SPIDR: variants seen among roughly 807,000 people sequenced by gnomAD.
The protein encoded by SPIDR is scaffold protein involved in DNA repair.
In SPIDR, 93 loss-of-function variants were observed where a neutral mutation model predicts 104.6. The observed-to-expected ratio is 0.89, with a 90% CI of 0.75 to 1.06. The LOEUF (loss-of-function observed/expected upper bound fraction) is 1.06, where lower values mean the gene tolerates loss of function less well. Ranked by LOEUF, SPIDR falls within the 50% of genes least tolerant of loss-of-function variation. SPIDR has a pLI of 0.00. For missense variants in SPIDR, 1,154 were observed against 1,111.2 expected, an observed-to-expected ratio of 1.04 and a Z score of -0.55; for synonymous variants, 431 against 416.9, an observed-to-expected ratio of 1.03 and a Z score of -0.41.
At chr8:47,480,733 C>T (rs556766276) in intron 8 of SPIDR, among the ~76,000 whole-genome samples, 1 of 152,216 alleles carries the variant, frequency 6.6e-6, no homozygotes, top group Non-Finnish European at 1.5e-5. Flanking sequence ...GGAAAAGGCA[C>T]AGCATCTTCT....
At chr8:47,347,542 T>C (rs1427805926) in intron 5 of SPIDR, among the ~76,000 whole-genome samples, 1 of 152,192 alleles carries the variant, frequency 6.6e-6, no homozygotes, top group Non-Finnish European at 1.5e-5. Flanking sequence ...ATATTGACAG[T>C]GGGGTGTTAA....
At chr8:47,283,135 C>A (rs2038147542) in intron 2 of SPIDR, among the ~76,000 whole-genome samples, 1 of 152,188 alleles carries the variant, frequency 6.6e-6, no homozygotes, top group Non-Finnish European at 1.5e-5. Flanking sequence ...GGATTACAGG[C>A]GTGAGCCACT....
chr8:47,397,937 G>A lies in SPIDR; in HGVS notation c.776+1311G>A, dbSNP rs146645212. ...ATCAGCATCCTGGAGAAGAGGTAGG[G>A]AAGGAAGGTGGAGAGGAGAGCCCCA... On this transcript the variant is annotated intron_variant, in intron 6 of 19. Coordinates refer to ENST00000297423, the MANE Select transcript of SPIDR (RefSeq NM_001080394.4). 2.8e-3 allele frequency among the ~76,000 whole-genome samples: 419 copies of A among 152,246 alleles called. 1 individual carries two copies. The highest frequency in any genetic ancestry group is 9.8e-3 in the African/African-American group (409 of 41,544).
At chr8:47,316,477 C>G (rs1029386943) in intron 5 of SPIDR, among the ~76,000 whole-genome samples, 1 of 152,118 alleles carries the variant, frequency 6.6e-6, no homozygotes, top group Non-Finnish European at 1.5e-5. Flanking sequence ...CAGTTGGAGA[C>G]TGGATCAACA....
At chr8:47,294,105 T>TG in intron 5 of SPIDR, 75 bp downstream of exon 5, 1 of 1,430,314 alleles carries the variant, frequency 7.0e-7, no homozygotes, top group Non-Finnish European at 9.3e-7. Flanking sequence ...TTTTTTTTTG[T>TG]TTTTTTTTTC....
At chr8:47,567,780 C>CTTTT (rs35199139) in intron 8 of SPIDR, among the ~76,000 whole-genome samples, 41 of 70,998 alleles carry the variant, frequency 5.8e-4, no homozygotes, top group East Asian at 1.9e-3. Flanking sequence ...TTTTCTTTTT[C>CTTTT]TTTTTTTTTT....
chr8:47,587,224 G>T (rs1421564948), intron 8 of SPIDR, among the ~76,000 whole-genome samples: 2 of 152,050 alleles, frequency 1.3e-5, no homozygotes, highest in Non-Finnish European at 2.9e-5. Context: ...GAGTTAAATG[G>T]TATATAAGTT....
chr8:47,362,641 T>A (rs2056286064), intron 5 of SPIDR, among the ~76,000 whole-genome samples: 1 of 151,944 alleles, frequency 6.6e-6, no homozygotes, highest in Admixed American at 6.5e-5. Flanking sequence ...TATATGGTGT[T>A]TTTTGTTGGT....
chr8:47,624,381 AAGATC>A (rs2065663313), intron 10 of SPIDR, among the ~76,000 whole-genome samples: 1 of 152,228 alleles, frequency 6.6e-6, no homozygotes. Flanking sequence ...AGAAATAACT[AAGATC>A]AGAGCAGAAC....
In SPIDR at chr8:47,599,004, C is replaced by A; in HGVS notation, c.1352C>A (p.Ala451Glu). Residue 451 changes from alanine to glutamate, a missense_variant, in exon 10 of 20, where the codon GCA becomes GAA. Physicochemically the swap from Ala to Glu is moderately radical, Grantham distance 107. Transcript: ENST00000297423. ...GCCTGGACCCATGGGCACAAAGAAG[C>A]AAAACAGCGCATCCCAACCAGCACT... The part of the protein sequence containing the change: ...GTAWTHGHKE[A>E]KQRIPTSTPL... 6.2e-7 allele frequency: 1 copy of A among 1,613,700 alleles called. No homozygotes were observed. The highest frequency in any genetic ancestry group is 8.5e-7 in the Non-Finnish European group (1 of 1,179,788).
chr8:47,534,489 G>A (rs745682841), intron 8 of SPIDR, among the ~76,000 whole-genome samples: 7 of 152,172 alleles, frequency 4.6e-5, no homozygotes, highest in Non-Finnish European at 1.0e-4. Context: ...GAACATGGTT[G>A]GAGCTGGAGC....
intron 8 of SPIDR, among the ~76,000 whole-genome samples, chr8:47,495,508 A>G (rs899006034): frequency 1.3e-5 from 2 of 152,150 alleles, no homozygotes; most frequent in East Asian, 1.9e-4. Flanking sequence ...CATTACCCCG[A>G]ATAGAAACCC....
At chr8:47,354,025 G>A (rs782366906) in intron 5 of SPIDR, among the ~76,000 whole-genome samples, 7 of 151,900 alleles carry the variant, frequency 4.6e-5, no homozygotes, top group Non-Finnish European at 8.8e-5. Flanking sequence ...TCACATTCTT[G>A]TCTATTTACT....
chr8:47,708,438 A>G (rs1169782518), intron 14 of SPIDR, among the ~76,000 whole-genome samples: 2 of 152,078 alleles, frequency 1.3e-5, no homozygotes, highest in African/African-American at 2.4e-5. Flanking sequence ...TACACCTTCT[A>G]CTCCCACACA....
At chr8:47,514,793 G>A (rs1397662858) in intron 8 of SPIDR, among the ~76,000 whole-genome samples, 2 of 152,162 alleles carry the variant, frequency 1.3e-5, no homozygotes, top group African/African-American at 4.8e-5. Context: ...ATATTTGTAT[G>A]TGCTTTGAGG....
chr8:47,626,013 C>T (rs2066030171), intron 10 of SPIDR, among the ~76,000 whole-genome samples: 1 of 152,214 alleles, frequency 6.6e-6, no homozygotes, highest in Non-Finnish European at 1.5e-5. Flanking sequence ...GTAACCAAAA[C>T]AGCATGGTAC....
At chr8:47,679,903 T>C (rs1363066161) in intron 11 of SPIDR, among the ~76,000 whole-genome samples, 1 of 152,266 alleles carries the variant, frequency 6.6e-6, no homozygotes, top group South Asian at 2.1e-4. Context: ...AAATAATTTG[T>C]ATTTGTGGGA....
chr8:47,666,782 A>G (rs530978599), intron 10 of SPIDR, among the ~76,000 whole-genome samples: 168 of 152,358 alleles, frequency 1.1e-3, no homozygotes, highest in African/African-American at 3.7e-3. Flanking sequence ...GCAACATACA[A>G]TGAATGCAAT....
At chr8:47,472,486 A>AG (rs1178819286) in intron 8 of SPIDR, among the ~76,000 whole-genome samples, 5 of 152,248 alleles carry the variant, frequency 3.3e-5, no homozygotes, top group African/African-American at 1.2e-4. Context: ...AGAGAATTGT[A>AG]ACATAATATT....
Sources: allele counts gnomAD v4.1 joint callset (sites outside exome capture counted in the v4.1 genomes callset), GRCh38; gene constraint gnomAD v4.1.1; transcripts MANE v1.5; gene names NCBI Gene and HGNC (gene_info 2026-07-23, HGNC 2026-07-21).